Variants in RBFOX1 observed in about 807,000 individuals in gnomAD.
RBFOX1 encodes RNA binding protein fox-1 homolog 1.
RBFOX1 carries 8 observed loss-of-function variants against 57.7 expected under a neutral mutation model. That is an observed-to-expected ratio of 0.14 (90% CI 0.08 to 0.25). The LOEUF (loss-of-function observed/expected upper bound fraction) is 0.25. Ranked by LOEUF, RBFOX1 falls within the 10% of genes least tolerant of loss-of-function variation. The pLI, the probability that RBFOX1 is intolerant of heterozygous loss-of-function variation, is 1.00. For synonymous variants in RBFOX1, 326 were observed against 222.4 expected, an observed-to-expected ratio of 1.47 and a Z score of -4.15; for missense variants, 611 against 548.5, an observed-to-expected ratio of 1.11 and a Z score of -1.14.
chr16:5,970,618 G>A (rs1286887686), intron 4 of RBFOX1, among the ~76,000 whole-genome samples: 1 of 152,114 alleles, frequency 6.6e-6, no homozygotes, highest in Non-Finnish European at 1.5e-5. Context: ...ACTGTGGGCC[G>A]ACCAAGTCAA....
chr16:6,920,170 A>G (rs961055062), intron 3 of RBFOX1, among the ~76,000 whole-genome samples: 2 of 151,826 alleles, frequency 1.3e-5, no homozygotes, highest in African/African-American at 4.8e-5. Context: ...TTCTTTATCC[A>G]CTCATTGGTT....
chr16:6,683,642 C>T (rs1300360345), intron 3 of RBFOX1, among the ~76,000 whole-genome samples: 3 of 152,042 alleles, frequency 2.0e-5, no homozygotes, highest in Non-Finnish European at 2.9e-5. Context: ...CTGCATAGAC[C>T]AAATGGCTCA....
At chr16:5,857,195 C>T (rs1597513452) in intron 3 of RBFOX1, among the ~76,000 whole-genome samples, 1 of 152,092 alleles carries the variant, frequency 6.6e-6, no homozygotes, top group Non-Finnish European at 1.5e-5. Context: ...AGATGGGGAA[C>T]AGCTGGTTTG....
intron 2 of RBFOX1, among the ~76,000 whole-genome samples, chr16:5,575,444 C>T (rs142840125): frequency 1.3e-5 from 2 of 152,174 alleles, no homozygotes; most frequent in Non-Finnish European, 2.9e-5. Flanking sequence ...CAACTTTTGT[C>T]ATTTTATGGA....
rs34449218 is a variant in RBFOX1 at position 5,946,553 on chromosome 16, A to AT, written c.351+79225dup. The stretch of plus-strand genomic sequence containing the variant: ...CTTCCCCGTATCTCACTCTATGCAT[A>AT]TTTTTTTCCAACTGGGTGTTCCTGA... On this transcript the variant is annotated intron_variant, in intron 4 of 19. Transcript: ENST00000641259. The surrounding 1 kb of genome is among the most constrained non-coding windows in gnomAD (Gnocchi z 4.6). 0.34 allele frequency among the ~76,000 whole-genome samples: 51,214 copies of AT among 151,746 alleles called. 10,064 individuals are homozygous for AT. The highest frequency in any genetic ancestry group is 0.46 in the East Asian group (2,358 of 5,144).
At chr16:5,247,995 G>A (rs2062345881) in intron 1 of RBFOX1, among the ~76,000 whole-genome samples, 1 of 152,150 alleles carries the variant, frequency 6.6e-6, no homozygotes, top group Admixed American at 6.5e-5. Context: ...TTTTTGTATG[G>A]GGAAGAGAAA....
chr16:5,295,073 T>C (rs1009393810), intron 1 of RBFOX1, among the ~76,000 whole-genome samples: 1 of 142,256 alleles, frequency 7.0e-6, no homozygotes. Flanking sequence ...TTTATGGAGC[T>C]CTCAGTAAAA....
At chr16:7,660,624 A>G (rs905408671) in intron 12 of RBFOX1, among the ~76,000 whole-genome samples, 1 of 152,234 alleles carries the variant, frequency 6.6e-6, no homozygotes, top group African/African-American at 2.4e-5. Flanking sequence ...TCTCAAATGT[A>G]AAGTAAAATA....
intron 2 of RBFOX1, among the ~76,000 whole-genome samples, chr16:6,448,282 C>T (rs573413718): frequency 8.0e-5 from 12 of 149,674 alleles, no homozygotes; most frequent in Non-Finnish European, 1.3e-4. Flanking sequence ...ATCTTAGCCT[C>T]CCAAGTAGCT....
chr16:5,592,887 T>A (rs959269147), intron 2 of RBFOX1, among the ~76,000 whole-genome samples: 2 of 152,144 alleles, frequency 1.3e-5, no homozygotes, highest in African/African-American at 2.4e-5. Flanking sequence ...GGCAGCCTGG[T>A]AGACCTTTAG....
intron 4 of RBFOX1, among the ~76,000 whole-genome samples, chr16:7,193,404 A>G (rs186186268): frequency 6.6e-6 from 1 of 152,360 alleles, no homozygotes; most frequent in Admixed American, 6.5e-5. Flanking sequence ...TGAGACCTGC[A>G]TCAGATTTCT....
At chr16:6,465,113 A>T (rs1054956352) in intron 2 of RBFOX1, among the ~76,000 whole-genome samples, 9 of 152,224 alleles carry the variant, frequency 5.9e-5, no homozygotes, top group African/African-American at 2.2e-4. Context: ...GTTCTTATGG[A>T]ACTGCTGATT....
intron 3 of RBFOX1, among the ~76,000 whole-genome samples, chr16:6,885,826 C>T (rs543308298): frequency 2.6e-5 from 4 of 152,254 alleles, no homozygotes; most frequent in Admixed American, 6.5e-5. Flanking sequence ...TCACTGCACC[C>T]GGCCTTAGTC....
At chr16:5,673,398 G>T (rs73514581) in intron 3 of RBFOX1, among the ~76,000 whole-genome samples, 2 of 151,958 alleles carry the variant, frequency 1.3e-5, no homozygotes, top group African/African-American at 4.8e-5. Flanking sequence ...TTCTCTCAGA[G>T]GGAACCCATC....
chr16:6,847,353 A>T (rs1430922733), intron 3 of RBFOX1, among the ~76,000 whole-genome samples: 1 of 152,050 alleles, frequency 6.6e-6, no homozygotes, highest in African/African-American at 2.4e-5. Context: ...TCACAACTGC[A>T]AGGGGGTCTT....
chr16:6,652,608 T>A (rs2098605860), intron 2 of RBFOX1, among the ~76,000 whole-genome samples: 1 of 152,136 alleles, frequency 6.6e-6, no homozygotes, highest in Non-Finnish European at 1.5e-5. Flanking sequence ...AACTTCCACC[T>A]GTAGAACTCT....
chr16:6,214,006 C>A (rs2097315176), intron 1 of RBFOX1, among the ~76,000 whole-genome samples: 1 of 152,198 alleles, frequency 6.6e-6, no homozygotes, highest in Admixed American at 6.5e-5. Flanking sequence ...CCCTGGGAAG[C>A]ATAATCACCT....
In RBFOX1 at chr16:6,659,074, T is replaced by C. The variant is rs1444253591; in HGVS notation, c.-16+4424T>C. Among the ~76,000 whole-genome samples, 3 of 152,238 alleles carry C rather than the reference T, an allele frequency of 2.0e-5. No individual in the cohort carries two copies. The East Asian group carries it at 5.8e-4, about 29-fold the overall frequency. ...AACCCGATGCGTTTGACATTTACAG[T>C]ACCTGTGTTTCTGCTGGGGCACTGA... is the stretch of plus-strand genomic sequence containing the variant. On this transcript the variant is annotated intron_variant, in intron 3 of 15. Coordinates refer to ENST00000550418, the MANE Select transcript of RBFOX1 (RefSeq NM_018723.4).
intron 2 of RBFOX1, among the ~76,000 whole-genome samples, chr16:5,571,398 A>G (rs780512567): frequency 1.3e-5 from 2 of 151,348 alleles, no homozygotes; most frequent in Non-Finnish European, 2.9e-5. Context: ...TTTTTTTAGT[A>G]GAGATGGGGT....
Sources: gnomAD v4.1 joint callset for allele counts (sites outside exome capture counted in the v4.1 genomes callset) on GRCh38, gnomAD v4.1.1 for gene constraint, Gnocchi (gnomAD v3.1) non-coding constraint, MANE v1.5 for transcripts, NCBI Gene and HGNC (gene_info 2026-07-23, HGNC 2026-07-21) for gene names.